SOX13: variants seen among roughly 807,000 people sequenced by gnomAD.
SOX13 encodes the protein transcription factor SOX-13.
Under a neutral mutation model 71.8 loss-of-function variants are expected in SOX13, and 28 were observed. That is an observed-to-expected ratio of 0.39 (90% CI 0.29 to 0.53). SOX13 has a LOEUF of 0.53. Ranked by LOEUF, SOX13 falls within the 20% of genes least tolerant of loss-of-function variation. SOX13 has a pLI of 0.70. For missense variants in SOX13, 627 were observed against 810.3 expected, an observed-to-expected ratio of 0.77 and a Z score of 2.75; for synonymous variants, 309 against 317.8, an observed-to-expected ratio of 0.97 and a Z score of 0.29.
intron 1 of SOX13, among the ~76,000 whole-genome samples, chr1:204,099,219 C>T (rs183518758): frequency 4.6e-5 from 7 of 152,162 alleles, no homozygotes; most frequent in Middle Eastern, 3.2e-3. Context: ...CTGGCTATGA[C>T]CTTGGGCAAT....
chr1:204,124,860 G>C lies in SOX13; in HGVS notation c.1592+3G>C, dbSNP rs764050259. 1 of 1,559,356 alleles carries C rather than the reference G, an allele frequency of 6.4e-7. No homozygotes were observed. The highest frequency in any genetic ancestry group is 8.7e-7 in the Non-Finnish European group (1 of 1,151,596). On this transcript the variant is annotated splice_donor_region_variant and intron_variant, in intron 13 of 13. Transcript: ENST00000367204. ...GCCCGCCAGAGCTACGTGATCCCGT[G>C]AGCAGGCCCCCCCGCAGGCAGCCAG...
chr1:204,123,811 G>A lies in SOX13; in HGVS notation c.1375+7G>A, dbSNP rs1656862198. 1 of 1,614,052 alleles carries A rather than the reference G, an allele frequency of 6.2e-7. No individual in the cohort carries two copies. The highest frequency in any genetic ancestry group is 1.3e-5 in the African/African-American group (1 of 75,058). On this transcript the variant is annotated splice_region_variant and intron_variant, in intron 12 of 13. Transcript: ENST00000367204. The surrounding 1 kb of genome is among the most constrained non-coding windows in gnomAD (Gnocchi z 5.0). ...AGCATCAGCAAGATCCTTGGTAAGG[G>A]CCAGTGGCTGGGGCCATGGTTCAGT...
Position 204,127,653 on chromosome 1 carries a change from G to A in SOX13, c.*1519G>A, listed in dbSNP as rs1223984615. On this transcript the variant is annotated 3_prime_UTR_variant, in exon 14 of 14. Coordinates refer to ENST00000367204, the MANE Select transcript of SOX13 (RefSeq NM_005686.3). ...TTTATTTTGTTAATAATAAGATAAT[G>A]ATGAGTAACTTAACCAGCACATTTC... 6.6e-6 allele frequency: 1 copy of A among 152,640 alleles called. No individual in the cohort carries two copies. The highest frequency in any genetic ancestry group is 2.4e-5 in the African/African-American group (1 of 41,448). 9.5% of individuals were successfully genotyped at this position (152,640 alleles called of 1,614,324 possible). A position where few individuals can be genotyped will look rare whatever the true frequency, so the allele number is the denominator to read the frequency against.
chr1:204,124,899 C>T (rs1191133761), intron 13 of SOX13, 42 bp downstream of exon 13: 6 of 1,416,118 alleles, frequency 4.2e-6, no homozygotes, highest in Non-Finnish European at 3.9e-6. Flanking sequence ...ACTGTGTGTA[C>T]ATGTGTAGCT....
Position 204,123,304 on chromosome 1 carries a change from T to G in SOX13, c.1231+96T>G. ...TCTGCCTCTGATCTCTTCCCTCCCT[T>G]GGTCTGTTGGGTCCTTTCCAGGTGT... On this transcript the variant is annotated intron_variant, in intron 11 of 13. Transcript: ENST00000367204. The surrounding 1 kb of genome is among the most constrained non-coding windows in gnomAD (Gnocchi z 5.0). 1 of 1,003,784 alleles carries G rather than the reference T, an allele frequency of 1.0e-6. No homozygotes were observed. The highest frequency in any genetic ancestry group is 1.6e-6 in the Non-Finnish European group (1 of 632,014). The allele number at this position is 1,003,784 out of a possible 1,614,324, so 62.2% of individuals were successfully genotyped here.
intron 1 of SOX13, among the ~76,000 whole-genome samples, chr1:204,096,239 G>T (rs372317379): frequency 5.9e-3 from 505 of 85,216 alleles, no homozygotes; most frequent in Middle Eastern, 0.014. Flanking sequence ...TCTTTCTTTC[G>T]TTTTTTTTTT....
intron 1 of SOX13, among the ~76,000 whole-genome samples, chr1:204,087,121 A>G (rs983993004): frequency 1.3e-5 from 2 of 152,030 alleles, no homozygotes; most frequent in Non-Finnish European, 2.9e-5. Flanking sequence ...ACGGGGTTTC[A>G]CCGTGTTAGC....
chr1:204,096,318 C>T (rs1473101739), intron 1 of SOX13, among the ~76,000 whole-genome samples: 4 of 140,614 alleles, frequency 2.8e-5, no homozygotes, highest in African/African-American at 5.3e-5. Flanking sequence ...CAGCTCACTG[C>T]GGCATCAACC....
chr1:204,114,878 C>A (rs1656657319), intron 4 of SOX13, among the ~76,000 whole-genome samples: 2 of 152,200 alleles, frequency 1.3e-5, no homozygotes, highest in African/African-American at 4.8e-5. Flanking sequence ...TCAGGCATGT[C>A]ATTGCCACTT....
chr1:204,121,208 C>T (rs1176744292), intron 7 of SOX13, among the ~76,000 whole-genome samples: 2 of 152,044 alleles, frequency 1.3e-5, no homozygotes, highest in African/African-American at 2.4e-5. Context: ...AGGGTGGTCT[C>T]GAACTCCTGA....
In SOX13 at chr1:204,126,065, G is replaced by C; in HGVS notation, c.1800G>C (p.Arg600=). The change falls in exon 14 of 14, where the codon CGG becomes CGC. Residue 600 remains arginine, a synonymous_variant. Coordinates refer to ENST00000367204, the MANE Select transcript of SOX13 (RefSeq NM_005686.3). ...RHSVADGEMY[R]YSEDEDSEGE... ...CGGTGGCTGATGGCGAGATGTACCG[G>C]TACAGCGAGGACGAGGACTCGGAGG... 1 of 1,613,972 alleles carries C rather than the reference G, an allele frequency of 6.2e-7. No individual in the cohort carries two copies. The highest frequency in any genetic ancestry group is 8.5e-7 in the Non-Finnish European group (1 of 1,179,888).
At chr1:204,096,676 A>C (rs1180625802) in intron 1 of SOX13, among the ~76,000 whole-genome samples, 1 of 151,876 alleles carries the variant, frequency 6.6e-6, no homozygotes, top group African/African-American at 2.4e-5. Context: ...CAGACTCCCA[A>C]AGTGCTGGGA....
At position 204,096,239 on chromosome 1, in the gene SOX13, G is replaced by GTTTTTTTTTT. The variant is rs59094119; in HGVS notation, c.-1-16667_-1-16658dup. The stretch of plus-strand genomic sequence containing the variant: ...CTTTTCTTTTCTTTTTCTTTCTTTC[G>GTTTTTTTTTT]TTTTTTTTTTTTTTTTTTGCGACAG... On this transcript the variant is annotated intron_variant, in intron 1 of 13. Coordinates refer to ENST00000367204, the MANE Select transcript of SOX13 (RefSeq NM_005686.3). Among the ~76,000 whole-genome samples the GTTTTTTTTTT allele has an allele frequency of 8.4e-4, 72 of 85,366 alleles. 7 individuals carry two copies. The highest frequency in any genetic ancestry group is 2.5e-3 in the African/African-American group (52 of 20,684). The allele number at this position is 85,366 out of a possible 152,430, so 56.0% of individuals were successfully genotyped here.
At chr1:204,107,190 T>G (rs1221416843) in intron 1 of SOX13, among the ~76,000 whole-genome samples, 2 of 152,202 alleles carry the variant, frequency 1.3e-5, no homozygotes, top group African/African-American at 4.8e-5. Context: ...AGACATGGGT[T>G]ATTGTACCCA....
At position 204,081,495 on chromosome 1, in the gene SOX13, T is replaced by G. The variant is rs1558209406; in HGVS notation, c.-2+7784T>G. 6.6e-6 allele frequency among the ~76,000 whole-genome samples: 1 copy of G among 152,122 alleles called. No homozygotes were observed. The highest frequency in any genetic ancestry group is 1.5e-5 in the Non-Finnish European group (1 of 68,026). On this transcript the variant is annotated intron_variant, in intron 1 of 13. Coordinates refer to ENST00000367204, the MANE Select transcript of SOX13 (RefSeq NM_005686.3). The surrounding 1 kb of genome is among the most constrained non-coding windows in gnomAD (Gnocchi z 4.3). Reference sequence around the variant, plus strand: ...GCTGATGCCCTTTCACGATGACAACTGAGTGGGCCCCACGGACCCCCTGGC... The same window carrying G: ...GCTGATGCCCTTTCACGATGACAACGGAGTGGGCCCCACGGACCCCCTGGC...
chr1:204,091,453 A>C (rs1656141956), intron 1 of SOX13, among the ~76,000 whole-genome samples: 1 of 152,244 alleles, frequency 6.6e-6, no homozygotes, highest in African/African-American at 2.4e-5. Flanking sequence ...TGAGATACTC[A>C]TCCAATGGAT....
intron 13 of SOX13, among the ~76,000 whole-genome samples, chr1:204,125,200 G>A (rs1388334017): frequency 1.3e-5 from 2 of 152,276 alleles, no homozygotes; most frequent in South Asian, 2.1e-4. Flanking sequence ...CACACAGAAA[G>A]GTTCCTGACT....
chr1:204,124,228 T>C (rs1208726078), intron 12 of SOX13, among the ~76,000 whole-genome samples: 2 of 152,146 alleles, frequency 1.3e-5, no homozygotes, highest in Admixed American at 6.5e-5. Flanking sequence ...GAGGGGCCAG[T>C]TGTTTTCAAG....
chr1:204,087,063 A>G (rs935636716), intron 1 of SOX13, among the ~76,000 whole-genome samples: 10 of 152,132 alleles, frequency 6.6e-5, no homozygotes, highest in Admixed American at 6.5e-4. Flanking sequence ...AGCTGGGACT[A>G]CAGGCACCCA....
Sources: allele counts gnomAD v4.1 joint callset (sites outside exome capture counted in the v4.1 genomes callset), GRCh38; gene constraint gnomAD v4.1.1; non-coding constraint Gnocchi (gnomAD v3.1); transcripts MANE v1.5; gene names NCBI Gene and HGNC (gene_info 2026-07-23, HGNC 2026-07-21).